The following F8 variants were observed in gnomAD, a reference collection of about 807,000 sequenced individuals.
F8 encodes the protein antihemophilic factor.
In F8, 12 loss-of-function variants were observed where a neutral mutation model predicts 140.6. The observed-to-expected ratio is 0.09, with a 90% CI of 0.05 to 0.14. F8 has a LOEUF of 0.14. Among genes scored for constraint, F8 ranks in the 10% least tolerant of loss-of-function variants. The pLI, the probability that F8 is intolerant of heterozygous loss-of-function variation, is 1.00. For missense variants in F8, 1,354 were observed against 1,720.7 expected, an observed-to-expected ratio of 0.79 and a Z score of 3.77; for synonymous variants, 585 against 614.6, an observed-to-expected ratio of 0.95 and a Z score of 0.71.
intron 25 of F8, among the ~76,000 whole-genome samples, chrX:154,844,078 T>A (rs1557271515): frequency 8.9e-6 from 1 of 111,845 alleles, no homozygotes; most frequent in Non-Finnish European, 1.9e-5. Flanking sequence ...TTTTGTCAGG[T>A]TTGTCAAAGA....
intron 13 of F8, among the ~76,000 whole-genome samples, chrX:154,941,172 C>A (rs781876617): frequency 1.8e-5 from 2 of 111,739 alleles, no homozygotes; most frequent in South Asian, 3.8e-4. Context: ...ACAATATTAA[C>A]TTTAAATGTA....
chrX:154,876,654 A>G (rs1270292291), intron 22 of F8, among the ~76,000 whole-genome samples: 2 of 111,567 alleles, frequency 1.8e-5, no homozygotes, highest in African/African-American at 6.5e-5. Context: ...TCCTTTCTAT[A>G]TAGGAGAAAA....
At chrX:154,928,498 A>G in intron 14 of F8, 73 bp downstream of exon 14, 1 of 920,129 alleles carries the variant, frequency 1.1e-6, no homozygotes, top group Middle Eastern at 2.6e-4. Context: ...TCTAACTCTC[A>G]TTGTTGGTGT....
chrX:154,958,133 T>G (rs1358669775), intron 10 of F8, among the ~76,000 whole-genome samples: 1 of 111,077 alleles, frequency 9.0e-6, no homozygotes, highest in African/African-American at 3.3e-5. Context: ...TATGGTTTCT[T>G]TAGAGTTACC....
intron 9 of F8, among the ~76,000 whole-genome samples, chrX:154,964,131 T>G (rs371011211): frequency 2.7e-4 from 30 of 111,413 alleles, no homozygotes; most frequent in African/African-American, 9.4e-4. Context: ...ATGCACTACT[T>G]CTGGAGGGGA....
chrX:154,838,957 A>G (rs1183926621), intron 25 of F8, among the ~76,000 whole-genome samples: 1 of 58,173 alleles, frequency 1.7e-5, no homozygotes, highest in Non-Finnish European at 3.0e-5. Context: ...AAGAGATGCC[A>G]ATTTAATCGG....
At chrX:154,863,845 C>T (rs2072712490) in intron 22 of F8, among the ~76,000 whole-genome samples, 1 of 111,166 alleles carries the variant, frequency 9.0e-6, no homozygotes, top group Non-Finnish European at 1.9e-5. Flanking sequence ...GGGGACTTAG[C>T]TCCAGAGTTG....
chrX:155,012,709 C>T (rs1347212171), intron 1 of F8, among the ~76,000 whole-genome samples: 1 of 108,934 alleles, frequency 9.2e-6, no homozygotes, highest in Admixed American at 9.8e-5. Context: ...ACAATTAAGA[C>T]CCTTAAAAAA....
In F8 at chrX:154,903,944, T is replaced by G. The variant is rs781829079; in HGVS notation, c.5960A>C (p.Lys1987Thr). The change falls in exon 18 of 26, where the codon AAA becomes ACA. Residue 1987 changes from lysine to threonine, a missense_variant. This residue lies in a region of F8 where 316 missense variants were observed against 485.4 expected (regional missense o/e 0.65). Transcript: ENST00000360256. The stretch of plus-strand genomic sequence containing the variant: ...GTACAGTGCCATTTTATACTCCTCT[T>G]TTTTTCGTACAGTGAACACATGTCC... ...FSGHVFTVRKKEEYKMALYNL... is the reference protein window; with the variant it reads ...FSGHVFTVRKTEEYKMALYNL... The G allele has an allele frequency of 2.5e-6, 3 of 1,208,870 alleles. No individual in the cohort carries two copies. The highest frequency in any genetic ancestry group is 4.4e-5 in the Admixed American group (2 of 45,676).
chrX:154,974,713 G>C (rs2073475662), intron 6 of F8, among the ~76,000 whole-genome samples: 1 of 111,895 alleles, frequency 8.9e-6, no homozygotes, highest in Non-Finnish European at 1.9e-5. Context: ...AAGCCATTGG[G>C]TACTGAACTT....
chrX:155,003,877 C>T (rs2073661581), intron 1 of F8, among the ~76,000 whole-genome samples: 1 of 102,626 alleles, frequency 9.7e-6, no homozygotes, highest in Admixed American at 1.1e-4. Flanking sequence ...AGGAGAATGG[C>T]GTGAACCCAA....
rs1368724705 is a variant in F8 at position 154,930,877 on chromosome X, T to C, written c.2913A>G (p.Leu971=). The C allele has an allele frequency of 8.3e-7, 1 of 1,203,852 alleles. No homozygotes were observed. The highest frequency in any genetic ancestry group is 1.1e-6 in the Non-Finnish European group (1 of 892,483). The change falls in exon 14 of 26, where the codon TTA becomes TTG. Residue 971 remains leucine, a synonymous_variant. Coordinates refer to ENST00000360256, the MANE Select transcript of F8 (RefSeq NM_000132.4). The stretch of plus-strand genomic sequence containing the variant: ...CCCATGAACTTTCTTGGCTATTCAT[T>C]AAACCTGATTCTAACAACTTTGAAT... The part of the protein sequence containing the change: ...NNDSKLLESG[L]MNSQESSWGK...
chrX:154,938,274 C>T (rs992276399), intron 13 of F8, among the ~76,000 whole-genome samples: 3 of 111,164 alleles, frequency 2.7e-5, no homozygotes, highest in African/African-American at 9.8e-5. Flanking sequence ...AAATAGAGTA[C>T]AGAAACAAAG....
chrX:154,907,659 C>G (rs1484360529), intron 14 of F8, among the ~76,000 whole-genome samples: 5 of 111,947 alleles, frequency 4.5e-5, no homozygotes, highest in Admixed American at 9.5e-5. Context: ...TTATGAGTAG[C>G]AGTCATTTGG....
chrX:154,938,732 T>G (rs1192231003), intron 13 of F8, among the ~76,000 whole-genome samples: 3 of 110,165 alleles, frequency 2.7e-5, no homozygotes, highest in African/African-American at 9.9e-5. Context: ...CTAGGCAAAA[T>G]AAAGACCCAT....
intron 23 of F8, 62 bp from the exon 24 acceptor site, chrX:154,861,928 C>A: frequency 4.6e-6 from 5 of 1,090,505 alleles, no homozygotes; most frequent in Non-Finnish European, 6.3e-6. Context: ...TTATACTGAG[C>A]AGCTTCCACT....
intron 25 of F8, among the ~76,000 whole-genome samples, chrX:154,838,097 GTGGCAAGAGGAGTACA>G (rs1227824560): frequency 1.8e-5 from 2 of 112,713 alleles, no homozygotes; most frequent in Non-Finnish European, 3.7e-5. Flanking sequence ...TGCATTTGCT[GTGGCAAGAGGAGTACA>G]TGGCAAGAGC....
In F8 at chrX:154,837,697, G is replaced by A. The variant is rs137852472; in HGVS notation, c.6956C>T (p.Pro2319Leu). 1 of 1,211,201 alleles carries A rather than the reference G, an allele frequency of 8.3e-7. No individual in the cohort carries two copies. Among genetic ancestry groups the A allele is most frequent in the Non-Finnish European group, 1.1e-6 (1 of 894,921 alleles). The change falls in exon 26 of 26, where the codon CCG becomes CTG. Residue 2319 changes from proline (P) to leucine (L), a missense_variant. By Grantham distance (98) the Pro-to-Leu change is moderately conservative. Transcript: ENST00000360256. ...FTPVVNSLDP[P>L]LLTRYLRIHP... ...AATTCGAAGGTAGCGAGTCAGTAAC[G>A]GTGGGTCTAGAGAGTTCACCACAGG...
At chrX:154,869,701 G>C (rs1267943054) in intron 22 of F8, among the ~76,000 whole-genome samples, 1 of 111,471 alleles carries the variant, frequency 9.0e-6, no homozygotes, top group Non-Finnish European at 1.9e-5. Flanking sequence ...GATCAGAGCA[G>C]AACTGAAGGA....
Sources: allele counts gnomAD v4.1 joint callset (sites outside exome capture counted in the v4.1 genomes callset), GRCh38; gene constraint gnomAD v4.1.1; regional missense constraint gnomAD v4.1.1; transcripts MANE v1.5; gene names NCBI Gene and HGNC (gene_info 2026-07-23, HGNC 2026-07-21).